Variants in XRCC4 observed in about 807,000 individuals in gnomAD.
XRCC4 encodes the protein X-ray repair cross complementing 4.
A neutral mutation model predicts 39.1 loss-of-function variants in XRCC4; 28 were observed. The ratio of observed to expected loss-of-function variants is 0.72; its 90% CI spans 0.53 to 0.98. The LOEUF is 0.98. Among genes scored for constraint, XRCC4 ranks in the 50% least tolerant of loss-of-function variants. XRCC4 has a pLI of 0.00. For synonymous variants in XRCC4, 123 were observed against 126.4 expected (o/e 0.97, Z 0.18); for missense variants, 350 against 376.4 (o/e 0.93, Z 0.58).
chr5:83,321,870 A>C (rs1414035901), intron 7 of XRCC4, among the ~76,000 whole-genome samples: 1 of 151,760 alleles, frequency 6.6e-6, no homozygotes, highest in Non-Finnish European at 1.5e-5. Context: ...AGTCACACCA[A>C]AATGGCACAA....
intron 7 of XRCC4, among the ~76,000 whole-genome samples, chr5:83,345,627 C>T (rs922054368): frequency 3.3e-5 from 5 of 152,106 alleles, no homozygotes; most frequent in African/African-American, 1.2e-4. Context: ...AGAAATATTA[C>T]TCTCAGAACA....
intron 7 of XRCC4, among the ~76,000 whole-genome samples, chr5:83,312,043 T>C (rs982167527): frequency 3.9e-5 from 6 of 152,204 alleles, no homozygotes; most frequent in African/African-American, 4.8e-5. Flanking sequence ...ACATATATTC[T>C]GCCACCACCT....
At chr5:83,259,776 T>C (rs1339283437) in intron 7 of XRCC4, among the ~76,000 whole-genome samples, 1 of 152,032 alleles carries the variant, frequency 6.6e-6, no homozygotes, top group East Asian at 1.9e-4. Context: ...ATATGGCAAA[T>C]AGTCTACATA....
At chr5:83,341,900 A>T (rs1216750546) in intron 7 of XRCC4, among the ~76,000 whole-genome samples, 1 of 152,150 alleles carries the variant, frequency 6.6e-6, no homozygotes, top group African/African-American at 2.4e-5. Context: ...TATTGTTCCA[A>T]GTCAAATAAA....
chr5:83,322,479 A>G (rs982497607), intron 7 of XRCC4, among the ~76,000 whole-genome samples: 1 of 152,144 alleles, frequency 6.6e-6, no homozygotes, highest in Non-Finnish European at 1.5e-5. Flanking sequence ...GATAGGCTGA[A>G]TAACCACTCC....
the XRCC4 span, among the ~76,000 whole-genome samples, chr5:83,361,778 T>A: frequency 7.2e-5 from 11 of 152,132 alleles, no homozygotes; most frequent in Non-Finnish European, 1.0e-4. Flanking sequence ...TCTGCCACCA[T>A]GCCCAGCTAA....
intron 7 of XRCC4, among the ~76,000 whole-genome samples, chr5:83,322,483 C>G (rs1028451632): frequency 6.6e-6 from 1 of 152,108 alleles, no homozygotes; most frequent in African/African-American, 2.4e-5. Flanking sequence ...GGCTGAATAA[C>G]CACTCCCTCC....
chr5:83,253,267 T>C (rs1054190402), intron 6 of XRCC4, among the ~76,000 whole-genome samples: 3 of 152,296 alleles, frequency 2.0e-5, no homozygotes, highest in Admixed American at 1.3e-4. Context: ...GAAGGTCACA[T>C]TGTAGAAGGA....
chr5:83,124,076 A>T (rs1747141611), intron 3 of XRCC4, among the ~76,000 whole-genome samples: 1 of 152,154 alleles, frequency 6.6e-6, no homozygotes, highest in South Asian at 2.1e-4. Context: ...CAATATTATT[A>T]ACTAAACTAC....
intron 3 of XRCC4, among the ~76,000 whole-genome samples, chr5:83,178,158 C>A (rs578158804): frequency 6.6e-6 from 1 of 152,104 alleles, no homozygotes; most frequent in South Asian, 2.1e-4. Context: ...GTAGAGGTTT[C>A]GGTTACTGGG....
intron 2 of XRCC4, among the ~76,000 whole-genome samples, chr5:83,105,723 T>C (rs968404000): frequency 2.6e-5 from 4 of 152,178 alleles, no homozygotes; most frequent in Admixed American, 1.3e-4. Flanking sequence ...TTCTAAAGTA[T>C]CTTATTGAAA....
intron 7 of XRCC4, among the ~76,000 whole-genome samples, chr5:83,285,324 G>A (rs1754696246): frequency 6.6e-6 from 1 of 152,058 alleles, no homozygotes; most frequent in Non-Finnish European, 1.5e-5. Context: ...GTTTCAAAGG[G>A]GGTTCTAGCC....
At chr5:83,318,155 C>T (rs546886570) in intron 7 of XRCC4, among the ~76,000 whole-genome samples, 12 of 145,794 alleles carry the variant, frequency 8.2e-5, no homozygotes, top group South Asian at 4.2e-4. Flanking sequence ...AATTCAACAA[C>T]GCTTCATGCT....
intron 2 of XRCC4, among the ~76,000 whole-genome samples, chr5:83,109,073 G>T (rs980616768): frequency 6.6e-6 from 1 of 151,672 alleles, no homozygotes; most frequent in Non-Finnish European, 1.5e-5. Context: ...ATCAAAAATT[G>T]ATCATATAAA....
intron 1 of XRCC4, among the ~76,000 whole-genome samples, chr5:83,082,829 AT>A (rs919848220): frequency 7.2e-5 from 11 of 152,126 alleles, no homozygotes; most frequent in African/African-American, 2.7e-4. Flanking sequence ...AAGTCAAAAG[AT>A]TGGACACCTC....
chr5:83,368,859 G>C, the XRCC4 span, among the ~76,000 whole-genome samples: 1 of 152,154 alleles, frequency 6.6e-6, no homozygotes, highest in East Asian at 1.9e-4. Flanking sequence ...TAGTGTATAA[G>C]ACATTAGAAT....
intron 2 of XRCC4, among the ~76,000 whole-genome samples, chr5:83,105,490 T>C (rs1030309397): frequency 1.3e-5 from 2 of 152,150 alleles, no homozygotes; most frequent in African/African-American, 4.8e-5. Context: ...TGAACATATA[T>C]TACATTTGTA....
intron 6 of XRCC4, among the ~76,000 whole-genome samples, chr5:83,215,104 T>C (rs193099373): frequency 2.6e-4 from 40 of 152,022 alleles, no homozygotes; most frequent in Middle Eastern, 3.4e-3. Context: ...GGGAAGCTGA[T>C]GCGGGCAGAT....
At chr5:83,293,429 CTT>C (rs1317527636) in intron 7 of XRCC4, among the ~76,000 whole-genome samples, 2 of 151,924 alleles carry the variant, frequency 1.3e-5, no homozygotes, top group African/African-American at 4.8e-5. Context: ...CTTTTTTCCT[CTT>C]TTCTTTTTCT....
Sources: allele counts gnomAD v4.1 joint callset (sites outside exome capture counted in the v4.1 genomes callset), GRCh38; gene constraint gnomAD v4.1.1; transcripts MANE v1.5; gene names NCBI Gene and HGNC (gene_info 2026-07-23, HGNC 2026-07-21).